Variants in VPS54 observed in about 807,000 individuals in gnomAD.
VPS54 encodes VPS54 subunit of GARP complex.
A neutral mutation model predicts 121.5 loss-of-function variants in VPS54; 45 were observed. The ratio of observed to expected loss-of-function variants is 0.37; its 90% CI spans 0.29 to 0.47. The LOEUF (loss-of-function observed/expected upper bound fraction) is 0.47, where lower values mean the gene tolerates loss of function less well. VPS54 is among the 20% of genes least tolerant of loss of function. The pLI is 0.99. For synonymous variants in VPS54, 371 were observed against 385.8 expected, an observed-to-expected ratio of 0.96 and a Z score of 0.45; for missense variants, 1,090 against 1,131.4, an observed-to-expected ratio of 0.96 and a Z score of 0.52.
chr2:63,900,507 C>T (rs188514871), intron 20 of VPS54, among the ~76,000 whole-genome samples: 347 of 152,078 alleles, frequency 2.3e-3, no homozygotes, highest in Non-Finnish European at 4.1e-3. Context: ...AGTTATATAC[C>T]GTTTTATTTA....
At chr2:63,929,852 A>C (rs1674102487) in intron 12 of VPS54, among the ~76,000 whole-genome samples, 1 of 152,220 alleles carries the variant, frequency 6.6e-6, no homozygotes, top group South Asian at 2.1e-4. Context: ...CCCCACAGAA[A>C]TACAAACTAC....
At chr2:63,989,107 T>G (rs1332876964) in intron 1 of VPS54, among the ~76,000 whole-genome samples, 4 of 152,104 alleles carry the variant, frequency 2.6e-5, no homozygotes, top group Non-Finnish European at 5.9e-5. Context: ...CCAGGCTTAT[T>G]AGGATTAGGA....
chr2:64,006,524 A>T (rs1678163508), intron 1 of VPS54, among the ~76,000 whole-genome samples: 1 of 152,230 alleles, frequency 6.6e-6, no homozygotes, highest in Non-Finnish European at 1.5e-5. Flanking sequence ...TCTTCCTCAT[A>T]GGAATGTCAT....
chr2:63,893,360 G>A lies in VPS54; in HGVS notation c.*70C>T. On this transcript the variant is annotated 3_prime_UTR_variant, in exon 23 of 23. Transcript: ENST00000272322. ...TTTCAGGTTCAATTCTCGAATCACA[G>A]GCATCCAGATTTTCTTCATAACAAA... 2.3e-6 allele frequency: 3 copies of A among 1,321,068 alleles called. No homozygotes were observed. The highest frequency in any genetic ancestry group is 3.3e-6 in the Non-Finnish European group (3 of 913,098). The allele number at this position is 1,321,068 out of a possible 1,614,324, so 81.8% of individuals were successfully genotyped here.
intron 6 of VPS54, among the ~76,000 whole-genome samples, chr2:63,965,504 T>G (rs572791003): frequency 2.0e-5 from 3 of 152,182 alleles, no homozygotes; most frequent in Middle Eastern, 3.4e-3. Context: ...ATAAATAAAA[T>G]TAGCCAGTAT....
intron 12 of VPS54, among the ~76,000 whole-genome samples, chr2:63,923,384 C>T (rs1008224479): frequency 6.6e-5 from 10 of 151,856 alleles, no homozygotes; most frequent in African/African-American, 2.4e-4. Flanking sequence ...AAAAAACAAA[C>T]GAATTCAAAC....
chr2:63,968,725 G>A (rs1676128220), intron 5 of VPS54, among the ~76,000 whole-genome samples: 1 of 151,158 alleles, frequency 6.6e-6, no homozygotes, highest in Admixed American at 6.6e-5. Context: ...TCTAAGTTAA[G>A]AGAAAGAACA....
At chr2:63,984,074 T>C (rs2104620883) in intron 1 of VPS54, 55 bp from the exon 2 acceptor site, 2 of 1,372,432 alleles carry the variant, frequency 1.5e-6, no homozygotes, top group Middle Eastern at 3.9e-4. Context: ...ATCCAAGTAT[T>C]ATACATGTCA....
chr2:64,012,175 T>C (rs1463758527), intron 1 of VPS54, among the ~76,000 whole-genome samples: 3 of 152,102 alleles, frequency 2.0e-5, no homozygotes, highest in African/African-American at 4.8e-5. Flanking sequence ...CATTACTTCA[T>C]CTCCCTTGCA....
intron 3 of VPS54, among the ~76,000 whole-genome samples, chr2:63,981,357 T>A (rs1676791594): frequency 6.6e-6 from 1 of 152,148 alleles, no homozygotes; most frequent in African/African-American, 2.4e-5. Context: ...TCATCTGGAC[T>A]TTATAGGCCT....
chr2:63,911,750 C>T (rs537221958), intron 20 of VPS54, among the ~76,000 whole-genome samples: 1 of 152,322 alleles, frequency 6.6e-6, no homozygotes, highest in South Asian at 2.1e-4. Flanking sequence ...CTTGGACAGA[C>T]AGTATACACT....
chr2:63,988,801 T>G (rs1222365998), intron 1 of VPS54, among the ~76,000 whole-genome samples: 1 of 152,052 alleles, frequency 6.6e-6, no homozygotes, highest in Non-Finnish European at 1.5e-5. Context: ...TCTGGGTACC[T>G]TGAAAAAAAG....
In VPS54 at chr2:63,920,010, G is replaced by A. The variant is rs2104449885; in HGVS notation, c.2052-15C>T. 3.1e-6 allele frequency: 5 copies of A among 1,590,296 alleles called. No homozygotes were observed. The highest frequency in any genetic ancestry group is 4.3e-6 in the Non-Finnish European group (5 of 1,167,846). ...CTAAGAGGAGGCTAGTCCACAGTAA[G>A]GAGAAAAGAAGGTAAACTTTAACAT... On this transcript the variant is annotated splice_polypyrimidine_tract_variant and intron_variant, in intron 14 of 22. Transcript: ENST00000272322.
At chr2:63,915,924 T>C (rs1423229162) in intron 16 of VPS54, among the ~76,000 whole-genome samples, 1 of 152,108 alleles carries the variant, frequency 6.6e-6, no homozygotes, top group Non-Finnish European at 1.5e-5. Flanking sequence ...AGAAGACATA[T>C]ACATAAATAA....
At chr2:64,013,777 A>G (rs1362299875) in intron 1 of VPS54, among the ~76,000 whole-genome samples, 3 of 150,726 alleles carry the variant, frequency 2.0e-5, no homozygotes, top group Non-Finnish European at 3.0e-5. Context: ...TATTCTGAAT[A>G]TTGTCTGCAA....
chr2:63,926,374 G>A (rs1673901117), intron 12 of VPS54, among the ~76,000 whole-genome samples: 1 of 152,188 alleles, frequency 6.6e-6, no homozygotes, highest in South Asian at 2.1e-4. Flanking sequence ...GAACACAGAA[G>A]AAACTTTATT....
chr2:63,959,716 G>A (rs920220893), intron 7 of VPS54, among the ~76,000 whole-genome samples: 3 of 151,904 alleles, frequency 2.0e-5, no homozygotes, highest in Non-Finnish European at 2.9e-5. Context: ...GCAAGACTCC[G>A]TTTCTACTAA....
At chr2:63,979,297 T>C (rs1018983960) in intron 3 of VPS54, among the ~76,000 whole-genome samples, 1 of 150,674 alleles carries the variant, frequency 6.6e-6, no homozygotes, top group Non-Finnish European at 1.5e-5. Flanking sequence ...TAGAGTGCAA[T>C]GGTGCGATCT....
At chr2:64,001,608 T>G (rs1030466060) in intron 1 of VPS54, among the ~76,000 whole-genome samples, 1 of 152,026 alleles carries the variant, frequency 6.6e-6, no homozygotes. Flanking sequence ...ACTGGGTCCC[T>G]CCCTTCAAGG....
Sources: allele counts gnomAD v4.1 joint callset (sites outside exome capture counted in the v4.1 genomes callset), GRCh38; gene constraint gnomAD v4.1.1; transcripts MANE v1.5; gene names NCBI Gene and HGNC (gene_info 2026-07-23, HGNC 2026-07-21).